Variants in ARHGAP26 observed in about 807,000 individuals in gnomAD.
ARHGAP26 encodes the protein Rho GTPase activating protein 26.
Under a neutral mutation model 104.8 loss-of-function variants are expected in ARHGAP26, and 38 were observed. That is an observed-to-expected ratio of 0.36 (90% confidence interval 0.28 to 0.48). The LOEUF (loss-of-function observed/expected upper bound fraction) is 0.48, where lower values mean the gene tolerates loss of function less well. Among genes scored for constraint, ARHGAP26 ranks in the 20% least tolerant of loss-of-function variants. The pLI, the probability that ARHGAP26 is intolerant of heterozygous loss-of-function variation, is 0.99. For missense variants in ARHGAP26, 704 were observed against 947.9 expected (o/e 0.74, Z 3.38); for synonymous variants, 341 against 340.0 (o/e 1.00, Z -0.03).
At chr5:142,917,412 C>T (rs553988523) in intron 10 of ARHGAP26, among the ~76,000 whole-genome samples, 25 of 152,224 alleles carry the variant, frequency 1.6e-4, no homozygotes, top group African/African-American at 6.0e-4. Flanking sequence ...TCAGAGACAC[C>T]GCAGTGTCCA....
At position 143,092,232 on chromosome 5, in the gene ARHGAP26, C is replaced by T. The variant is rs192446949; in HGVS notation, c.1539-28756C>T. On this transcript the variant is annotated intron_variant, in intron 17 of 22. Transcript: ENST00000645722. ...AGGCTGGAGTGCAGTGGCACGATCT[C>T]GGCTCACTGCAAGCTCCGCCTCCCA... 2.9e-3 allele frequency among the ~76,000 whole-genome samples: 407 copies of T among 142,672 alleles called. 4 individuals carry two copies. The highest frequency in any genetic ancestry group is 0.01 in the African/African-American group (397 of 39,118). 93.6% of individuals were successfully genotyped at this position (142,672 alleles called of 152,430 possible). A position where few individuals can be genotyped will look rare whatever the true frequency, so the allele number is the denominator to read the frequency against.
chr5:143,174,632 C>G (rs1803230264), intron 20 of ARHGAP26, among the ~76,000 whole-genome samples: 1 of 152,138 alleles, frequency 6.6e-6, no homozygotes, highest in African/African-American at 2.4e-5. Flanking sequence ...AGAAAATGCC[C>G]CATCCCCTAA....
intron 12 of ARHGAP26, among the ~76,000 whole-genome samples, chr5:143,036,036 A>G (rs1034284019): frequency 5.9e-5 from 9 of 151,940 alleles, no homozygotes; most frequent in Non-Finnish European, 8.8e-5. Context: ...TGTTCATTTT[A>G]TCTAAGTTTA....
intron 1 of ARHGAP26, among the ~76,000 whole-genome samples, chr5:142,840,703 C>T (rs776632038): frequency 2.0e-5 from 3 of 152,156 alleles, no homozygotes; most frequent in Non-Finnish European, 4.4e-5. Flanking sequence ...TTCACTTAGC[C>T]TCTTCTCTGA....
Position 142,820,512 on chromosome 5 carries a change from C to T in ARHGAP26, c.154+49597C>T, listed in dbSNP as rs114545010. On this transcript the variant is annotated intron_variant, in intron 1 of 22. Coordinates refer to ENST00000645722, the MANE Select transcript of ARHGAP26 (RefSeq NM_001135608.3). ...AACATTGCCATCCTGGAGCTGAAGG[C>T]GGTAGAATAACTTCAATTCAGTGTT... is the stretch of plus-strand genomic sequence containing the variant. Among the ~76,000 whole-genome samples the T allele has an allele frequency of 9.9e-3, 1,505 of 152,128 alleles. 19 individuals carry two copies. Among genetic ancestry groups the T allele is most frequent in the African/African-American group, 0.034 (1,397 of 41,488 alleles).
chr5:143,036,882 C>G (rs1389913067), intron 12 of ARHGAP26, among the ~76,000 whole-genome samples: 2 of 152,188 alleles, frequency 1.3e-5, no homozygotes, highest in Non-Finnish European at 2.9e-5. Context: ...GTAAAGGTAC[C>G]TGTCACCTTA....
intron 17 of ARHGAP26, among the ~76,000 whole-genome samples, chr5:143,095,453 TTCTA>T (rs1238317519): frequency 6.6e-6 from 1 of 152,238 alleles, no homozygotes; most frequent in Non-Finnish European, 1.5e-5. Flanking sequence ...TCTATGTGGA[TTCTA>T]TCTGTTTATG....
chr5:142,970,492 C>G (rs1473969535), intron 11 of ARHGAP26, among the ~76,000 whole-genome samples: 1 of 152,228 alleles, frequency 6.6e-6, no homozygotes, highest in African/African-American at 2.4e-5. Context: ...TCTGGCGGCT[C>G]CAACCTCATA....
At position 142,875,130 on chromosome 5, in the gene ARHGAP26, G is replaced by T; in HGVS notation, c.271G>T (p.Ala91Ser). ...TCCAGCAAGATCTTTGCAGGAGTTT[G>T]CCACTGTCCTCAGGAATCTTGAAGA... ...MCIARSLQEF[A>S]TVLRNLEDER... The change falls in exon 3 of 23, where the codon GCC becomes TCC. Residue 91 changes from alanine to serine, a missense_variant. By Grantham distance (99) the Ala-to-Ser change is moderately conservative. Coordinates refer to ENST00000645722, the MANE Select transcript of ARHGAP26 (RefSeq NM_001135608.3). 1 of 1,614,146 alleles carries T rather than the reference G, an allele frequency of 6.2e-7. No homozygotes were observed. Among genetic ancestry groups the T allele is most frequent in the Non-Finnish European group, 8.5e-7 (1 of 1,180,012 alleles).
intron 17 of ARHGAP26, among the ~76,000 whole-genome samples, chr5:143,116,390 G>C (rs1795445713): frequency 6.6e-6 from 1 of 152,178 alleles, no homozygotes; most frequent in African/African-American, 2.4e-5. Context: ...AGTGGAGCCA[G>C]TACTCCTCTT....
chr5:143,177,987 CTTTTTTTTTTTTTTT>C (rs397705462), intron 20 of ARHGAP26, among the ~76,000 whole-genome samples: 4 of 58,340 alleles, frequency 6.9e-5, no homozygotes, highest in East Asian at 7.8e-4. Context: ...TGTGGCAGTC[CTTTTTTTTTTTTTTT>C]TTTTTTTTTT....
intron 11 of ARHGAP26, among the ~76,000 whole-genome samples, chr5:142,936,646 A>G (rs930755328): frequency 6.6e-5 from 10 of 152,204 alleles, no homozygotes; most frequent in Non-Finnish European, 8.8e-5. Context: ...GACAGTAATC[A>G]AGACTGTGGT....
Position 142,869,289 on chromosome 5 carries a change from C to G in ARHGAP26, c.155-4111C>G, listed in dbSNP as rs369472541. Among the ~76,000 whole-genome samples the G allele has an allele frequency of 5.3e-5, 8 of 151,638 alleles. No homozygotes were observed. The East Asian group carries it at 9.7e-4, about 18-fold the overall frequency. On this transcript the variant is annotated intron_variant, in intron 1 of 22. Coordinates refer to ENST00000645722, the MANE Select transcript of ARHGAP26 (RefSeq NM_001135608.3). ...TGGTGCAACCTCGGCTCACTGCAGC[C>G]TCAGCCTCCCGGGTTCACGCGATTC... is the stretch of plus-strand genomic sequence containing the variant.
chr5:142,949,203 GA>G (rs1251811647), intron 11 of ARHGAP26, among the ~76,000 whole-genome samples: 195 of 16,110 alleles, frequency 0.012, 9 homozygotes, highest in East Asian at 0.05. Context: ...GAGAGAGAGA[GA>G]GAGAGAGAGA....
chr5:142,814,113 C>T (rs919551603), intron 1 of ARHGAP26, among the ~76,000 whole-genome samples: 2 of 152,220 alleles, frequency 1.3e-5, no homozygotes, highest in African/African-American at 4.8e-5. Flanking sequence ...CTTATTAACC[C>T]TTGTGTCTTG....
At chr5:143,116,043 C>G (rs1795396667) in intron 17 of ARHGAP26, among the ~76,000 whole-genome samples, 1 of 152,110 alleles carries the variant, frequency 6.6e-6, no homozygotes, top group Non-Finnish European at 1.5e-5. Context: ...GTGTGTCATA[C>G]TTACTATTCC....
intron 1 of ARHGAP26, among the ~76,000 whole-genome samples, chr5:142,828,976 G>T (rs1238202611): frequency 6.6e-6 from 1 of 152,180 alleles, no homozygotes; most frequent in Non-Finnish European, 1.5e-5. Context: ...GTGTTTCTGT[G>T]TGCTCATGAT....
chr5:142,779,040 T>C (rs970730485), intron 1 of ARHGAP26, among the ~76,000 whole-genome samples: 1 of 152,108 alleles, frequency 6.6e-6, no homozygotes, highest in African/African-American at 2.4e-5. Flanking sequence ...CTGCTTGATA[T>C]GCTTTCTGAG....
intron 11 of ARHGAP26, among the ~76,000 whole-genome samples, chr5:143,010,293 G>A (rs142014577): frequency 1.8e-4 from 28 of 152,332 alleles, no homozygotes; most frequent in African/African-American, 9.6e-5. Flanking sequence ...AGATAGAATA[G>A]TACACCACTG....
Sources: allele counts gnomAD v4.1 joint callset (sites outside exome capture counted in the v4.1 genomes callset), GRCh38; gene constraint gnomAD v4.1.1; transcripts MANE v1.5; gene names NCBI Gene and HGNC (gene_info 2026-07-23, HGNC 2026-07-21).